RBL2: variants seen among roughly 807,000 people sequenced by gnomAD.
The protein encoded by RBL2 is retinoblastoma-like protein 2.
A neutral mutation model predicts 126.0 loss-of-function variants in RBL2; 56 were observed. That is an observed-to-expected ratio of 0.44 (90% CI 0.36 to 0.56). The LOEUF (loss-of-function observed/expected upper bound fraction) is 0.56. Among genes scored for constraint, RBL2 ranks in the 20% least tolerant of loss-of-function variants. RBL2 has a pLI of 0.00. For missense variants in RBL2, 1,229 were observed against 1,398.2 expected (o/e 0.88, Z 1.93); for synonymous variants, 454 against 478.5 (o/e 0.95, Z 0.67).
intron 11 of RBL2, 61 bp from the exon 12 acceptor site, chr16:53,464,165 G>A (rs901651728): frequency 2.3e-6 from 3 of 1,327,118 alleles, no homozygotes; most frequent in Non-Finnish European, 2.0e-6. Context: ...AAGTTCACTG[G>A]GTATGAAATG....
rs561248030 is a variant in RBL2, at chr16:53,438,472, C to G, written c.241-544C>G. Among the ~76,000 whole-genome samples the G allele has an allele frequency of 2.6e-5, 4 of 152,144 alleles. No individual in the cohort carries two copies. The South Asian group carries it at 6.2e-4, about 24-fold the overall frequency. On this transcript the variant is annotated intron_variant, in intron 1 of 21. Coordinates refer to ENST00000262133, the MANE Select transcript of RBL2 (RefSeq NM_005611.4). ...GAGACAGTTAATCAGTGTGAGGGAA[C>G]GCAGACCCTTGCCCAGGTCCAAGGT...
chr16:53,468,653 C>T (rs1306426592), intron 14 of RBL2, among the ~76,000 whole-genome samples: 3 of 152,098 alleles, frequency 2.0e-5, no homozygotes, highest in Non-Finnish European at 4.4e-5. Flanking sequence ...GTACCAAATA[C>T]AAATCTAGTA....
chr16:53,434,474 G>C lies in RBL2; in HGVS notation c.-83G>C. The C allele has an allele frequency of 1.5e-6, 2 of 1,294,632 alleles. No individual in the cohort carries two copies. The highest frequency in any genetic ancestry group is 4.3e-5 in the South Asian group (2 of 46,936). 80.2% of individuals were successfully genotyped at this position (1,294,632 alleles called of 1,614,324 possible). A position where few individuals can be genotyped will look rare whatever the true frequency, so the allele number is the denominator to read the frequency against. On this transcript the variant is annotated 5_prime_UTR_variant, in exon 1 of 22. Transcript: ENST00000262133. ...GCGGCGCAGGCGCGGTGCGGGCGGC[G>C]GACGGGCGGGCGCTTCGCCGTTTGA...
chr16:53,440,600 C>T (rs2058005277), intron 2 of RBL2, among the ~76,000 whole-genome samples: 2 of 152,150 alleles, frequency 1.3e-5, no homozygotes, highest in African/African-American at 2.4e-5. Context: ...TTCACCCAGG[C>T]CAGGGTGCAG....
At chr16:53,476,888 T>TAA (rs2150821029) in intron 17 of RBL2, among the ~76,000 whole-genome samples, 1 of 152,384 alleles carries the variant, frequency 6.6e-6, no homozygotes, top group Admixed American at 6.5e-5. Context: ...CTCCTGTAGA[T>TAA]AAAATACATT....
rs1193360301 is a variant in RBL2, at chr16:53,480,735, T to C, written c.3050T>C (p.Ile1017Thr). ...QFYNNIYIKQ[I>T]KTFAMKYSQA... ...TACAACAACATCTACATCAAACAGA[T>C]TAAGACATTTGCCATGAAGTACTCA... is the stretch of plus-strand genomic sequence containing the variant. Residue 1017 changes from isoleucine (I) to threonine (T), a missense_variant, in exon 20 of 22, where the codon ATT becomes ACT. Transcript: ENST00000262133. 2 of 1,613,158 alleles carry C rather than the reference T, an allele frequency of 1.2e-6. No homozygotes were observed. The highest frequency in any genetic ancestry group is 2.2e-5 in the East Asian group (1 of 44,878).
At chr16:53,462,752 C>T in intron 11 of RBL2, 97 bp downstream of exon 11, 1 of 718,794 alleles carries the variant, frequency 1.4e-6, no homozygotes, top group East Asian at 3.2e-5. Context: ...TATATAGTCT[C>T]CTTTCATACA....
chr16:53,439,932 C>A (rs1216938735), intron 2 of RBL2, among the ~76,000 whole-genome samples: 1 of 137,976 alleles, frequency 7.2e-6, no homozygotes, highest in Non-Finnish European at 1.5e-5. Flanking sequence ...CCAGCCTGGG[C>A]CACAGAGCAA....
At chr16:53,489,366 T>C (rs2047528557) in intron 21 of RBL2, 1 of 152,252 alleles carries the variant, frequency 6.6e-6, no homozygotes, top group African/African-American at 2.4e-5. Context: ...TTGCTTAGTA[T>C]GCTTTCTGTA....
At chr16:53,467,383 C>CTTTA (rs758994614) in intron 14 of RBL2, among the ~76,000 whole-genome samples, 111 of 151,912 alleles carry the variant, frequency 7.3e-4, no homozygotes, top group African/African-American at 2.2e-3. Context: ...GGATAGACTG[C>CTTTA]TTTATTTATT....
chr16:53,472,540 T>G (rs1960562342), intron 17 of RBL2, among the ~76,000 whole-genome samples: 2 of 152,228 alleles, frequency 1.3e-5, no homozygotes, highest in Non-Finnish European at 2.9e-5. Flanking sequence ...TACTGGCCAT[T>G]TGCATATCTT....
At chr16:53,480,523 A>G in intron 19 of RBL2, 44 bp from the exon 20 acceptor site, 1 of 1,531,790 alleles carries the variant, frequency 6.5e-7, no homozygotes, top group Non-Finnish European at 8.9e-7. Context: ...AACAGTCAAT[A>G]TTAGCAGCCT....
Position 53,447,123 on chromosome 16 carries a change from A to G in RBL2, c.637+17A>G. 7.9e-7 allele frequency: 1 copy of G among 1,262,350 alleles called. No homozygotes were observed. The allele number at this position is 1,262,350 out of a possible 1,614,324, so 78.2% of individuals were successfully genotyped here. A position where few individuals can be genotyped will look rare whatever the true frequency, so the allele number is the denominator to read the frequency against. On this transcript the variant is annotated intron_variant, in intron 4 of 21. Coordinates refer to ENST00000262133, the MANE Select transcript of RBL2 (RefSeq NM_005611.4). Reference sequence around the variant, plus strand: ...ATGCAAAAGGTAAGAAAATAGTAATATTTATTTAGATTTAATATGTCTATT... The same window carrying G: ...ATGCAAAAGGTAAGAAAATAGTAATGTTTATTTAGATTTAATATGTCTATT...
chr16:53,480,054 G>A, intron 19 of RBL2, 63 bp downstream of exon 19: 1 of 1,102,214 alleles, frequency 9.1e-7, no homozygotes, highest in Non-Finnish European at 1.3e-6. Context: ...TTTAGGCCTT[G>A]AAGAAGTAAC....
At chr16:53,488,395 G>C (rs376422791) in intron 21 of RBL2, 1 of 152,216 alleles carries the variant, frequency 6.6e-6, no homozygotes, top group African/African-American at 2.4e-5. Flanking sequence ...TGACAAGGGA[G>C]TATGAGGGAT....
Position 53,434,912 on chromosome 16 carries a change from A to G in RBL2, c.240+116A>G, listed in dbSNP as rs938039647. The G allele has an allele frequency of 1.2e-5, 16 of 1,357,678 alleles. No individual in the cohort carries two copies. In the Admixed American group the frequency reaches 5.1e-4, roughly 43 times the overall value. The allele number at this position is 1,357,678 out of a possible 1,614,324, so 84.1% of individuals were successfully genotyped here. ...CGGGTTGCGGGCTCCCAGCCCCGAGAGGGGTGGGGACTTCCTCTGCGCTAT... is the reference window on the plus strand; with the variant it reads ...CGGGTTGCGGGCTCCCAGCCCCGAGGGGGGTGGGGACTTCCTCTGCGCTAT... On this transcript the variant is annotated intron_variant, in intron 1 of 21. Coordinates refer to ENST00000262133, the MANE Select transcript of RBL2 (RefSeq NM_005611.4).
At chr16:53,463,888 AC>A (rs1444619409) in intron 11 of RBL2, among the ~76,000 whole-genome samples, 1 of 151,830 alleles carries the variant, frequency 6.6e-6, no homozygotes, top group African/African-American at 2.4e-5. Context: ...TTTTTATAGC[AC>A]TTACTGTAAA....
intron 20 of RBL2, chr16:53,481,280 C>T (rs1960935212): frequency 5.5e-6 from 1 of 181,576 alleles, no homozygotes; most frequent in Non-Finnish European, 1.1e-5. Flanking sequence ...ATTTGGAGTC[C>T]CTACAAAGTA....
intron 10 of RBL2, 64 bp from the exon 11 acceptor site, chr16:53,462,488 G>C: frequency 1.1e-6 from 1 of 939,906 alleles, no homozygotes; most frequent in Non-Finnish European, 1.6e-6. Context: ...AAAGGAGGAG[G>C]AATGGGCCTT....
Sources: allele counts gnomAD v4.1 joint callset (sites outside exome capture counted in the v4.1 genomes callset), GRCh38; gene constraint gnomAD v4.1.1; transcripts MANE v1.5; gene names NCBI Gene and HGNC (gene_info 2026-07-23, HGNC 2026-07-21).